Variants in RNF17 observed in about 807,000 individuals in gnomAD.
RNF17 encodes the protein spermatogenesis associated 23.
A neutral mutation model predicts 200.5 loss-of-function variants in RNF17; 31 were observed. The observed-to-expected ratio is 0.15, with a 90% confidence interval of 0.12 to 0.21. The LOEUF (loss-of-function observed/expected upper bound fraction) is 0.21, where lower values mean the gene tolerates loss of function less well. RNF17 is among the 10% of genes least tolerant of loss of function. The pLI is 1.00. For missense variants in RNF17, 1,628 were observed against 1,905.1 expected (o/e 0.85, Z 2.71); for synonymous variants, 606 against 637.8 (o/e 0.95, Z 0.75).
Position 24,876,991 on chromosome 13 carries a change from TGACA to T in RNF17, c.4584-2_4585del. The T allele has an allele frequency of 1.3e-6, 2 of 1,582,270 alleles. No homozygotes were observed. The highest frequency in any genetic ancestry group is 1.7e-6 in the Non-Finnish European group (2 of 1,169,042). Reference sequence around the variant, plus strand: ...AATTTTAATGTAAGAATTTCTTTTGTGACAGACTGTGCCAAATTCCTTCTCATCT... The same window carrying T: ...AATTTTAATGTAAGAATTTCTTTTGTGACTGTGCCAAATTCCTTCTCATCT... On this transcript the variant is annotated splice_acceptor_variant and splice_polypyrimidine_tract_variant and intron_variant, in intron 33 of 35. Transcript: ENST00000255324. LOFTEE classifies it high-confidence loss of function.
the RNF17 span, chr13:24,751,032 A>C: frequency 6.6e-6 from 1 of 152,320 alleles, no homozygotes; most frequent in Admixed American, 6.5e-5. Flanking sequence ...ATTAAATTCA[A>C]TACCCTAAAA....
intron 15 of RNF17, among the ~76,000 whole-genome samples, chr13:24,814,694 T>G (rs966756996): frequency 1.3e-5 from 2 of 152,254 alleles, no homozygotes; most frequent in Non-Finnish European, 2.9e-5. Context: ...ACTTTCTATT[T>G]TGTTCCATTT....
intron 3 of RNF17, among the ~76,000 whole-genome samples, chr13:24,776,690 G>A (rs1301346295): frequency 1.3e-5 from 2 of 152,208 alleles, no homozygotes; most frequent in African/African-American, 4.8e-5. Context: ...CTTACTGGGT[G>A]AGGTCGACTG....
At chr13:24,749,455 C>A in the RNF17 span, among the ~76,000 whole-genome samples, 1 of 152,092 alleles carries the variant, frequency 6.6e-6, no homozygotes, top group Non-Finnish European at 1.5e-5. Flanking sequence ...TGGTGTGCAA[C>A]ACCACATCCA....
At chr13:24,860,705 G>C (rs1347687232) in intron 26 of RNF17, among the ~76,000 whole-genome samples, 1 of 152,034 alleles carries the variant, frequency 6.6e-6, no homozygotes, top group Non-Finnish European at 1.5e-5. Flanking sequence ...GATTGCTCTT[G>C]AGGAATTTGT....
chr13:24,793,237 G>A lies in RNF17; in HGVS notation c.1131G>A (p.Gln377=), dbSNP rs923939409. ...NDVHLEAKNF[Q]PQKDVATASP... ...TACATTTAGAAGCAAAAAACTTCCAGCCACAGAAAGACGTTGCAACAGCAT... is the reference window on the plus strand; with the variant it reads ...TACATTTAGAAGCAAAAAACTTCCAACCACAGAAAGACGTTGCAACAGCAT... Residue 377 remains glutamine, a synonymous_variant, in exon 10 of 36, where the codon CAG becomes CAA. Transcript: ENST00000255324. The A allele has an allele frequency of 2.5e-6, 4 of 1,613,976 alleles. No individual in the cohort carries two copies. Among genetic ancestry groups the A allele is most frequent in the Non-Finnish European group, 3.4e-6 (4 of 1,179,990 alleles).
chr13:24,789,905 A>T, intron 9 of RNF17, 133 bp downstream of exon 9: 1 of 619,588 alleles, frequency 1.6e-6, no homozygotes, highest in South Asian at 2.1e-5. Context: ...CTATAGTTAA[A>T]TTCTACATAT....
intron 30 of RNF17, among the ~76,000 whole-genome samples, chr13:24,867,097 T>C (rs1389544426): frequency 1.3e-5 from 2 of 152,242 alleles, no homozygotes; most frequent in Non-Finnish European, 2.9e-5. Context: ...ATTTGAGTTA[T>C]TTATCTTTTT....
rs80220594 is a variant in RNF17, at chr13:24,772,485, T to A, written c.226-2328T>A. 9.7e-4 allele frequency among the ~76,000 whole-genome samples: 145 copies of A among 150,160 alleles called. No homozygotes were observed. The East Asian group carries it at 0.026, about 27-fold the overall frequency. The stretch of plus-strand genomic sequence containing the variant: ...TGACCTCTAGCCAGGTGCGATTTTT[T>A]AAAAAGTTTTCTTTACTTACAGCTT... On this transcript the variant is annotated intron_variant, in intron 2 of 35. Coordinates refer to ENST00000255324, the MANE Select transcript of RNF17 (RefSeq NM_031277.3).
rs77816976 is a variant in RNF17 at position 24,798,243 on chromosome 13, T to G, written c.1400-1152T>G. 2.6e-5 allele frequency among the ~76,000 whole-genome samples: 4 copies of G among 152,326 alleles called. No individual in the cohort carries two copies. In the East Asian group the frequency reaches 7.7e-4, roughly 29 times the overall value. On this transcript the variant is annotated intron_variant, in intron 11 of 35. Transcript: ENST00000255324. ...GAAACTTAACTCTTGTTTATATCAATTAGCCTATGTGGTAAGATTGGTTTT... is the reference window on the plus strand; with the variant it reads ...GAAACTTAACTCTTGTTTATATCAAGTAGCCTATGTGGTAAGATTGGTTTT...
intron 18 of RNF17, among the ~76,000 whole-genome samples, chr13:24,841,009 G>T (rs960781631): frequency 6.6e-6 from 1 of 152,126 alleles, no homozygotes; most frequent in Non-Finnish European, 1.5e-5. Flanking sequence ...AGCAGCTACC[G>T]GCTGGAAAGG....
rs757140734 is a variant in RNF17, at chr13:24,861,322, C to G, written c.3829C>G (p.Pro1277Ala). The change falls in exon 27 of 36, where the codon CCT becomes GCT. Residue 1277 changes from proline to alanine, a missense_variant. Transcript: ENST00000255324. ...TEKIPQCHLY[P>A]ILLYPDIPQF... Reference sequence around the variant, plus strand: ...AAAGATTCCGCAGTGCCATCTTTACCCTATTTTGCTGTATCCTGATATACC... The same window carrying G: ...AAAGATTCCGCAGTGCCATCTTTACGCTATTTTGCTGTATCCTGATATACC... 5 of 1,592,844 alleles carry G rather than the reference C, an allele frequency of 3.1e-6. No homozygotes were observed. The African/African-American group carries it at 6.8e-5, about 22-fold the overall frequency.
At chr13:24,847,368 CAG>C (rs1157323983) in intron 22 of RNF17, among the ~76,000 whole-genome samples, 3 of 145,208 alleles carry the variant, frequency 2.1e-5, no homozygotes, top group Non-Finnish European at 4.5e-5. Flanking sequence ...TTTTTTGAGA[CAG>C]AGTCTCCCTC....
Position 24,871,239 on chromosome 13 carries a change from T to C in RNF17, c.4447+500T>C, listed in dbSNP as rs75503019. Among the ~76,000 whole-genome samples, 810 of 152,344 alleles carry C rather than the reference T, an allele frequency of 5.3e-3. 22 individuals carry two copies. In the East Asian group the frequency reaches 0.081, roughly 15 times the overall value. Reference sequence around the variant, plus strand: ...GATTCTCCTCTGAGGAAAATGTATCTAGTTATTGCGGTATGTAATGCATAG... The same window carrying C: ...GATTCTCCTCTGAGGAAAATGTATCCAGTTATTGCGGTATGTAATGCATAG... On this transcript the variant is annotated intron_variant, in intron 32 of 35. Transcript: ENST00000255324.
intron 15 of RNF17, among the ~76,000 whole-genome samples, chr13:24,811,355 T>G (rs1162749727): frequency 2.6e-5 from 4 of 152,064 alleles, no homozygotes; most frequent in African/African-American, 9.7e-5. Flanking sequence ...TTATTCTTTT[T>G]TCTCTAAACT....
At chr13:24,873,643 C>T (rs1894535178) in intron 32 of RNF17, among the ~76,000 whole-genome samples, 1 of 152,116 alleles carries the variant, frequency 6.6e-6, no homozygotes, top group Admixed American at 6.5e-5. Context: ...AATATTAGAA[C>T]TTATTCCTTC....
intron 10 of RNF17, among the ~76,000 whole-genome samples, chr13:24,795,573 C>A (rs1884468853): frequency 6.6e-6 from 1 of 152,050 alleles, no homozygotes; most frequent in African/African-American, 2.4e-5. Context: ...ACTCACCCCA[C>A]CAAAAAGCAC....
intron 24 of RNF17, 49 bp downstream of exon 24, chr13:24,851,620 C>T (rs774836057): frequency 9.3e-7 from 1 of 1,076,722 alleles, no homozygotes; most frequent in Non-Finnish European, 1.4e-6. Flanking sequence ...ATGGATGCCT[C>T]AGTTGCGTGT....
intron 6 of RNF17, among the ~76,000 whole-genome samples, chr13:24,782,156 A>G (rs986607721): frequency 5.3e-5 from 8 of 152,108 alleles, no homozygotes; most frequent in African/African-American, 7.2e-5. Context: ...AATTTTGCCT[A>G]TTTACCTTCT....
Sources: gnomAD v4.1 joint callset for allele counts (sites outside exome capture counted in the v4.1 genomes callset) on GRCh38, gnomAD v4.1.1 for gene constraint, MANE v1.5 for transcripts, NCBI Gene and HGNC (gene_info 2026-07-23, HGNC 2026-07-21) for gene names.